Variants in MYCBPAP observed in about 807,000 individuals in gnomAD.
The protein encoded by MYCBPAP is MYCBP-associated protein.
Under a neutral mutation model 106.1 loss-of-function variants are expected in MYCBPAP, and 60 were observed. The ratio of observed to expected loss-of-function variants is 0.57; its 90% CI spans 0.46 to 0.70. The LOEUF (loss-of-function observed/expected upper bound fraction) is 0.70, where lower values mean the gene tolerates loss of function less well. Ranked by LOEUF, MYCBPAP falls within the 30% of genes least tolerant of loss-of-function variation. The probability of loss-of-function intolerance (pLI) is 0.00; values close to 1 mark genes in which losing one functional copy is unlikely to be tolerated. For missense variants in MYCBPAP, 1,064 were observed against 1,169.3 expected, an observed-to-expected ratio of 0.91 and a Z score of 1.31; for synonymous variants, 407 against 440.6, an observed-to-expected ratio of 0.92 and a Z score of 0.95.
chr17:50,514,921 C>T (rs773456811), intron 1 of MYCBPAP: 3 of 454,032 alleles, frequency 6.6e-6, no homozygotes, highest in South Asian at 3.1e-5. Flanking sequence ...AACTCTTAAT[C>T]CATTCCTTGG....
In MYCBPAP at chr17:50,508,715, C is replaced by G; in HGVS notation, c.41C>G (p.Pro14Arg). The G allele has an allele frequency of 1.2e-6, 2 of 1,611,784 alleles. No individual in the cohort carries two copies. Among genetic ancestry groups the G allele is most frequent in the Non-Finnish European group, 1.7e-6 (2 of 1,178,910 alleles). ...LKKDSRLRIT[P>R]TRLLEASENV... ...AAGGATTCCCGCCTCAGAATAACTC[C>G]GACCAGATTATTAGAGGCCTCAGAG... The change falls in exon 1 of 19, where the codon CCG becomes CGG. Residue 14 changes from proline (P) to arginine (R), a missense_variant. Transcript: ENST00000323776.
At chr17:50,529,952 A>C (rs187799623) in intron 18 of MYCBPAP, 8 of 429,618 alleles carry the variant, frequency 1.9e-5, no homozygotes, top group African/African-American at 1.4e-4. Flanking sequence ...GAGGTCCACA[A>C]AGCCATTTTC....
chr17:50,521,729 C>CT (rs1355181704), intron 9 of MYCBPAP, among the ~76,000 whole-genome samples: 2 of 152,196 alleles, frequency 1.3e-5, no homozygotes, highest in African/African-American at 4.8e-5. Flanking sequence ...CATGGAGAGT[C>CT]TGTGTATTTC....
chr17:50,517,170 G>T, intron 2 of MYCBPAP, 123 bp from the exon 3 acceptor site: 1 of 870,908 alleles, frequency 1.1e-6, no homozygotes, highest in Non-Finnish European at 1.9e-6. Context: ...CATATGGACA[G>T]AGCTGAAGAA....
intron 12 of MYCBPAP, 76 bp from the exon 13 acceptor site, chr17:50,524,801 G>T: frequency 6.5e-7 from 1 of 1,528,270 alleles, no homozygotes; most frequent in Non-Finnish European, 8.9e-7. Flanking sequence ...CAAAGTCCTG[G>T]GGGCTCCAAC....
At chr17:50,514,728 G>T in intron 1 of MYCBPAP, 1 of 226,682 alleles carries the variant, frequency 4.4e-6, no homozygotes, top group Non-Finnish European at 9.1e-6. Flanking sequence ...GCACAATCTT[G>T]GCTCACTGCA....
At chr17:50,508,149 C>G (rs530975370), upstream of MYCBPAP, among the ~76,000 whole-genome samples, 224 of 152,322 alleles carry the variant, frequency 1.5e-3, 1 homozygote, top group Middle Eastern at 0.02. Flanking sequence ...CGATCCCCCC[C>G]CAGAACCGCT....
At chr17:50,519,144 C>A in intron 6 of MYCBPAP, 55 bp downstream of exon 6, 5 of 434,124 alleles carry the variant, frequency 1.2e-5, no homozygotes, top group South Asian at 6.0e-5. Context: ...GAGGAGGGGG[C>A]GGGGGCAGGT....
In MYCBPAP at chr17:50,508,657, A is replaced by C; in HGVS notation, c.-18A>C. Reference sequence around the variant, plus strand: ...GGCCGGCGGTGCAGGGCAACGTTTCATGGTGCCGGGCGGCACCATGAAGTC... The same window carrying C: ...GGCCGGCGGTGCAGGGCAACGTTTCCTGGTGCCGGGCGGCACCATGAAGTC... On this transcript the variant is annotated 5_prime_UTR_variant, in exon 1 of 19. The change abolishes an upstream ATG in the 5' untranslated region. Coordinates refer to ENST00000323776, the MANE Select transcript of MYCBPAP (RefSeq NM_032133.6). 2 of 1,597,470 alleles carry C rather than the reference A, an allele frequency of 1.3e-6. No homozygotes were observed. The highest frequency in any genetic ancestry group is 1.7e-4 in the Middle Eastern group (1 of 5,998).
At chr17:50,523,565 TG>T in intron 11 of MYCBPAP, 31 bp from the exon 12 acceptor site, 1 of 1,611,110 alleles carries the variant, frequency 6.2e-7, no homozygotes, top group African/African-American at 1.3e-5. Context: ...AGCTCCTGCA[TG>T]TTGAAAACCT....
chr17:50,521,245 C>T lies in MYCBPAP; in HGVS notation c.1032+20C>T, dbSNP rs1567889757. 1 of 1,604,356 alleles carries T rather than the reference C, an allele frequency of 6.2e-7. No homozygotes were observed. Among genetic ancestry groups the T allele is most frequent in the East Asian group, 2.2e-5 (1 of 44,698 alleles). ...CAGCAGGTTGGTATGGCCTCCATGC[C>T]CCAGTCAGAAGCCCCTTGGGGCGAT... On this transcript the variant is annotated intron_variant, in intron 8 of 18. Coordinates refer to ENST00000323776, the MANE Select transcript of MYCBPAP (RefSeq NM_032133.6).
Position 50,516,639 on chromosome 17 carries a change from A to G in MYCBPAP, c.146A>G (p.Asn49Ser), listed in dbSNP as rs1213320278. 5.0e-6 allele frequency: 8 copies of G among 1,614,080 alleles called. No individual in the cohort carries two copies. The East Asian group carries it at 1.1e-4, about 22-fold the overall frequency. Residue 49 changes from asparagine to serine, a missense_variant, in exon 2 of 19, where the codon AAT becomes AGT. Asn to Ser is a conservative substitution (Grantham distance 46). Coordinates refer to ENST00000323776, the MANE Select transcript of MYCBPAP (RefSeq NM_032133.6). ...CAGGAAGAGCCTGAACCTGTTAGCAATGTCCTACAAGGAGATGACATTCTT... is the reference window on the plus strand; with the variant it reads ...CAGGAAGAGCCTGAACCTGTTAGCAGTGTCCTACAAGGAGATGACATTCTT... ...TIQEEPEPVS[N>S]VLQGDDILAL...
intron 10 of MYCBPAP, 106 bp downstream of exon 10, chr17:50,522,187 T>C: frequency 1.2e-6 from 1 of 815,384 alleles, no homozygotes; most frequent in Non-Finnish European, 2.0e-6. Context: ...TTTGGGTTTT[T>C]ATCTGGTCGT....
intron 14 of MYCBPAP, 135 bp downstream of exon 14, chr17:50,526,402 TTATC>T (rs1204925081): frequency 3.7e-4 from 207 of 552,848 alleles, no homozygotes; most frequent in South Asian, 9.7e-4. Context: ...ATCTCTTGGG[TTATC>T]TATCTATCTA....
chr17:50,510,497 GTGTATATATATATATATATATA>G (rs1318306144), intron 1 of MYCBPAP: 11 of 89,518 alleles, frequency 1.2e-4, no homozygotes, highest in Non-Finnish European at 1.9e-4. Context: ...GTGTGTGTGT[GTGTATATATATATATATATATA>G]TATATATATA....
intron 11 of MYCBPAP, among the ~76,000 whole-genome samples, 153 bp downstream of exon 11, chr17:50,523,281 C>T (rs2034344062): frequency 6.6e-6 from 1 of 152,146 alleles, no homozygotes; most frequent in African/African-American, 2.4e-5. Context: ...AAATGTGTGG[C>T]CTGACTACTC....
chr17:50,513,185 T>C (rs2143902822), intron 1 of MYCBPAP, among the ~76,000 whole-genome samples: 1 of 133,508 alleles, frequency 7.5e-6, no homozygotes, highest in Non-Finnish European at 1.5e-5. Context: ...GCCATTATAC[T>C]CTAGCCTGGG....
chr17:50,525,041 C>G lies in MYCBPAP; in HGVS notation c.1782+18C>G. The stretch of plus-strand genomic sequence containing the variant: ...ATCCTCCGGTGAGGCCCAGCGCCAG[C>G]CCCTGCCCCCTCATGTGTGCCCTGC... On this transcript the variant is annotated intron_variant, in intron 13 of 18. Coordinates refer to ENST00000323776, the MANE Select transcript of MYCBPAP (RefSeq NM_032133.6). 1 of 1,604,838 alleles carries G rather than the reference C, an allele frequency of 6.2e-7. No individual in the cohort carries two copies. Among genetic ancestry groups the G allele is most frequent in the Non-Finnish European group, 8.5e-7 (1 of 1,174,006 alleles).
chr17:50,518,139 T>C (rs2034120085), intron 4 of MYCBPAP, among the ~76,000 whole-genome samples: 1 of 152,214 alleles, frequency 6.6e-6, no homozygotes. Flanking sequence ...TTTCCAGCCT[T>C]CCCATCATGC....
Sources: gnomAD v4.1 joint callset for allele counts (sites outside exome capture counted in the v4.1 genomes callset) on GRCh38, gnomAD v4.1.1 for gene constraint, MANE v1.5 for transcripts, NCBI Gene and HGNC (gene_info 2026-07-23, HGNC 2026-07-21) for gene names.